Variants in DNAJC5B observed in about 807,000 individuals in gnomAD.
DNAJC5B encodes dnaJ homolog subfamily C member 5B.
A neutral mutation model predicts 24.7 loss-of-function variants in DNAJC5B; 23 were observed. The observed-to-expected ratio is 0.93, with a 90% CI of 0.67 to 1.32. The LOEUF is 1.32. Ranked by LOEUF, DNAJC5B falls within the 40% of genes most tolerant of loss-of-function variation. DNAJC5B has a pLI of 0.00. For missense variants in DNAJC5B, 238 were observed against 240.8 expected (o/e 0.99, Z 0.08); for synonymous variants, 101 against 90.1 (o/e 1.12, Z -0.68).
chr8:66,015,289 C>T, the DNAJC5B span, among the ~76,000 whole-genome samples: 5 of 152,168 alleles, frequency 3.3e-5, no homozygotes, highest in African/African-American at 9.6e-5. Flanking sequence ...GGTAGTGATG[C>T]CATGAAGGGA....
At chr8:66,089,395 T>C (rs1407654185) in intron 5 of DNAJC5B, among the ~76,000 whole-genome samples, 2 of 152,226 alleles carry the variant, frequency 1.3e-5, no homozygotes, top group African/African-American at 2.4e-5. Flanking sequence ...CAAATTTCAC[T>C]TTTGAGTACA....
intron 2 of DNAJC5B, among the ~76,000 whole-genome samples, chr8:66,049,474 C>T (rs1279375655): frequency 6.6e-6 from 1 of 152,120 alleles, no homozygotes; most frequent in East Asian, 1.9e-4. Context: ...TAAAAAGTCG[C>T]CTACAATACT....
intron 1 of DNAJC5B, among the ~76,000 whole-genome samples, chr8:66,039,396 T>A (rs866117411): frequency 6.6e-6 from 1 of 150,706 alleles, no homozygotes; most frequent in Middle Eastern, 3.4e-3. Flanking sequence ...TTGCCCAGGC[T>A]GGAGTGCAAT....
chr8:66,072,772 T>G (rs1291545374), intron 3 of DNAJC5B, among the ~76,000 whole-genome samples: 1 of 152,122 alleles, frequency 6.6e-6, no homozygotes, highest in African/African-American at 2.4e-5. Flanking sequence ...AATGCACATA[T>G]TAGAAAACCA....
intron 1 of DNAJC5B, among the ~76,000 whole-genome samples, chr8:66,032,117 C>A (rs1806372470): frequency 6.6e-6 from 1 of 152,250 alleles, no homozygotes; most frequent in Non-Finnish European, 1.5e-5. Flanking sequence ...TCTAAGGCAG[C>A]ACAGCTAGTA....
intron 2 of DNAJC5B, among the ~76,000 whole-genome samples, chr8:66,044,114 C>T (rs930929369): frequency 2.6e-5 from 4 of 152,164 alleles, no homozygotes; most frequent in African/African-American, 7.2e-5. Flanking sequence ...CGAGCCCGGC[C>T]AAGAGCATTG....
At chr8:66,024,399 G>A (rs548121508) in intron 1 of DNAJC5B, among the ~76,000 whole-genome samples, 2 of 144,010 alleles carry the variant, frequency 1.4e-5, no homozygotes, top group South Asian at 4.4e-4. Context: ...TTTAGTTTCA[G>A]GATTCTTTTT....
At chr8:66,050,769 T>A (rs988924584) in intron 2 of DNAJC5B, among the ~76,000 whole-genome samples, 1 of 152,264 alleles carries the variant, frequency 6.6e-6, no homozygotes, top group Non-Finnish European at 1.5e-5. Context: ...ATGGCCTAGA[T>A]GGCCTCTAAC....
chr8:66,027,903 T>C (rs1227407499), intron 1 of DNAJC5B, among the ~76,000 whole-genome samples: 1 of 152,232 alleles, frequency 6.6e-6, no homozygotes, highest in African/African-American at 2.4e-5. Flanking sequence ...CCTGGGACTG[T>C]ACTAGGCACT....
Position 66,100,094 on chromosome 8 carries a change from T to C in DNAJC5B, c.*63T>C, listed in dbSNP as rs572864223. On this transcript the variant is annotated 3_prime_UTR_variant, in exon 6 of 6. Transcript: ENST00000276570. Reference sequence around the variant, plus strand: ...GTTCAGTCTTGTCTCCAGATGGTCGTAGGGGAGCGTGTGGGGCATAAAGTG... The same window carrying C: ...GTTCAGTCTTGTCTCCAGATGGTCGCAGGGGAGCGTGTGGGGCATAAAGTG... 8 of 1,441,162 alleles carry C rather than the reference T, an allele frequency of 5.6e-6. No homozygotes were observed. The highest frequency in any genetic ancestry group is 2.8e-5 in the African/African-American group (2 of 70,918). 89.3% of individuals were successfully genotyped at this position (1,441,162 alleles called of 1,614,324 possible).
chr8:66,059,491 G>A (rs539318322), intron 3 of DNAJC5B, among the ~76,000 whole-genome samples: 1 of 152,346 alleles, frequency 6.6e-6, no homozygotes, highest in East Asian at 1.9e-4. Context: ...AGTTGAGGAG[G>A]AGGGAGAGTC....
At chr8:66,049,698 A>G (rs529095279) in intron 2 of DNAJC5B, among the ~76,000 whole-genome samples, 1 of 152,232 alleles carries the variant, frequency 6.6e-6, no homozygotes, top group Non-Finnish European at 1.5e-5. Context: ...TGTGGGTGTT[A>G]TCATAATCCG....
chr8:66,027,897 G>A (rs1806280546), intron 1 of DNAJC5B, among the ~76,000 whole-genome samples: 1 of 152,018 alleles, frequency 6.6e-6, no homozygotes, highest in African/African-American at 2.4e-5. Flanking sequence ...TATGCACCTG[G>A]GACTGTACTA....
chr8:66,026,585 C>T (rs928548333), intron 1 of DNAJC5B, among the ~76,000 whole-genome samples: 8 of 152,384 alleles, frequency 5.2e-5, no homozygotes, highest in Admixed American at 4.6e-4. Context: ...CTCCGACACG[C>T]GCAGGACACT....
rs117328997 is a variant in DNAJC5B at position 66,022,761 on chromosome 8, C to T, written c.-142+1056C>T. ...TAAAACTGAGAGATCCAGATAAAAG[C>T]AAAATATACTTGCACATAAACTTCA... On this transcript the variant is annotated intron_variant, in intron 1 of 5. Transcript: ENST00000276570. Among the ~76,000 whole-genome samples the T allele has an allele frequency of 2.4e-4, 37 of 152,262 alleles. No individual in the cohort carries two copies. In the East Asian group the frequency reaches 6.4e-3, roughly 26 times the overall value.
chr8:66,017,406 A>G (rs11783225), upstream of DNAJC5B, among the ~76,000 whole-genome samples: 19 of 152,198 alleles, frequency 1.2e-4, no homozygotes, highest in Non-Finnish European at 2.1e-4. Flanking sequence ...TTTGTACATG[A>G]GGTGGGTCCC....
At chr8:66,025,922 G>T (rs1806231494) in intron 1 of DNAJC5B, among the ~76,000 whole-genome samples, 1 of 98,672 alleles carries the variant, frequency 1.0e-5, no homozygotes, top group Non-Finnish European at 1.8e-5. Flanking sequence ...CTCTTTTTTG[G>T]TTCCATATGA....
At chr8:66,093,091 T>C (rs529464349) in intron 5 of DNAJC5B, among the ~76,000 whole-genome samples, 10 of 152,194 alleles carry the variant, frequency 6.6e-5, no homozygotes, top group Non-Finnish European at 1.2e-4. Flanking sequence ...GTATTTTCAC[T>C]GTTGTATAAT....
At chr8:66,091,869 T>C (rs1807856088) in intron 5 of DNAJC5B, among the ~76,000 whole-genome samples, 1 of 152,196 alleles carries the variant, frequency 6.6e-6, no homozygotes. Flanking sequence ...TGCTACAATA[T>C]GGATGAACCT....
Sources: allele counts gnomAD v4.1 joint callset (sites outside exome capture counted in the v4.1 genomes callset), GRCh38; gene constraint gnomAD v4.1.1; transcripts MANE v1.5; gene names NCBI Gene and HGNC (gene_info 2026-07-23, HGNC 2026-07-21).